The following RIPOR2 variants were observed in gnomAD, a reference collection of about 807,000 sequenced individuals.
RIPOR2 encodes rho family-interacting cell polarization regulator 2.
A neutral mutation model predicts 114.5 loss-of-function variants in RIPOR2; 39 were observed. That is an observed-to-expected ratio of 0.34 (90% CI 0.26 to 0.44). The LOEUF (loss-of-function observed/expected upper bound fraction) is 0.44. Ranked by LOEUF, RIPOR2 falls within the 20% of genes least tolerant of loss-of-function variation. The probability of loss-of-function intolerance (pLI) is 1.00; values close to 1 mark genes in which losing one functional copy is unlikely to be tolerated. For missense variants in RIPOR2, 1,007 were observed against 1,255.1 expected (o/e 0.80, Z 2.99); for synonymous variants, 445 against 484.4 (o/e 0.92, Z 1.07).
At chr6:25,029,845 A>G (rs1373979400) in intron 1 of RIPOR2, among the ~76,000 whole-genome samples, 2 of 151,994 alleles carry the variant, frequency 1.3e-5, no homozygotes. Flanking sequence ...AAAAACATGA[A>G]GTTAAACTAT....
chr6:24,846,169 G>T (rs569104169), intron 12 of RIPOR2, among the ~76,000 whole-genome samples: 5 of 152,114 alleles, frequency 3.3e-5, no homozygotes, highest in Non-Finnish European at 7.4e-5. Flanking sequence ...TACATGTTAT[G>T]TTAACGGTTG....
At chr6:25,038,288 G>T (rs1435566878) in intron 1 of RIPOR2, among the ~76,000 whole-genome samples, 3 of 152,226 alleles carry the variant, frequency 2.0e-5, no homozygotes, top group African/African-American at 7.2e-5. Flanking sequence ...CACGATTCTT[G>T]CCCCTTGGCA....
Position 24,840,383 on chromosome 6 carries a change from G to T in RIPOR2, c.1858-1111C>A. The T allele has an allele frequency of 2.6e-6, 3 of 1,150,758 alleles. No homozygotes were observed. The South Asian group carries it at 6.2e-5, about 24-fold the overall frequency. The allele number at this position is 1,150,758 out of a possible 1,614,324, so 71.3% of individuals were successfully genotyped here. On this transcript the variant is annotated intron_variant, in intron 13 of 21. Coordinates refer to ENST00000643898, the MANE Select transcript of RIPOR2 (RefSeq NM_001286445.3). ...TCCCTGACCAGGCCCTGGCATCATGGGAGCAATCCCATTCTCTGGCCTGGA... is the reference window on the plus strand; with the variant it reads ...TCCCTGACCAGGCCCTGGCATCATGTGAGCAATCCCATTCTCTGGCCTGGA...
chr6:24,911,145 G>A, intron 1 of RIPOR2: 1 of 166,886 alleles, frequency 6.0e-6, no homozygotes, highest in Non-Finnish European at 1.2e-5. Flanking sequence ...GGGAGGCGCG[G>A]CGCGGGGGCC....
intron 1 of RIPOR2, among the ~76,000 whole-genome samples, chr6:25,027,669 C>T (rs1455751558): frequency 1.3e-5 from 2 of 152,198 alleles, no homozygotes; most frequent in African/African-American, 2.4e-5. Flanking sequence ...AAGAGGGCCC[C>T]CCTCCCCTCG....
chr6:24,870,967 CACATTTGCACATTATCT>C, intron 4 of RIPOR2, 78 bp from the exon 5 acceptor site: 1 of 801,758 alleles, frequency 1.2e-6, no homozygotes, highest in Non-Finnish European at 1.9e-6. Context: ...TGATTTAGCC[CACATTTGCACATTATCT>C]GTGGAAATAA....
At chr6:24,902,087 G>A (rs953985311) in intron 1 of RIPOR2, among the ~76,000 whole-genome samples, 1 of 152,192 alleles carries the variant, frequency 6.6e-6, no homozygotes, top group Non-Finnish European at 1.5e-5. Context: ...GAAGAGAAGC[G>A]GTAGAAAAGG....
intron 1 of RIPOR2, among the ~76,000 whole-genome samples, chr6:25,040,981 T>C (rs925760151): frequency 3.3e-5 from 5 of 152,240 alleles, no homozygotes; most frequent in African/African-American, 1.2e-4. Flanking sequence ...TGCCCCACTA[T>C]GATGGGACAC....
intron 1 of RIPOR2, among the ~76,000 whole-genome samples, chr6:24,912,866 G>A (rs574889606): frequency 6.6e-6 from 1 of 152,306 alleles, no homozygotes; most frequent in Non-Finnish European, 1.5e-5. Flanking sequence ...TGAAAAGAGA[G>A]ATGAGGCAGA....
At chr6:24,855,470 T>G (rs1324125737) in intron 8 of RIPOR2, among the ~76,000 whole-genome samples, 3 of 152,202 alleles carry the variant, frequency 2.0e-5, no homozygotes, top group Admixed American at 1.3e-4. Flanking sequence ...AATTCCTCCC[T>G]GTTTACCCAG....
At chr6:24,878,581 T>G (rs2817714) in intron 1 of RIPOR2, among the ~76,000 whole-genome samples, 36,135 of 151,990 alleles carry the variant, frequency 0.24, 4,873 homozygotes, top group African/African-American at 0.37. Flanking sequence ...AAGCCAATTT[T>G]CCCCCCTTAT....
rs370164838 is a variant in RIPOR2, at chr6:24,873,772, G to A, written c.216C>T (p.Ser72=). ...GTTTGGCCTGAGGCTTCTTGAGAGC[G>A]GAGGAATTTTCAATGAAGGAGTTAC... is the stretch of plus-strand genomic sequence containing the variant. ...SRCNSFIENS[S]ALKKPQAKLK... The change falls in exon 3 of 22, where the codon TCC becomes TCT. Residue 72 remains serine (S), a synonymous_variant. Coordinates refer to ENST00000643898, the MANE Select transcript of RIPOR2 (RefSeq NM_001286445.3). The A allele has an allele frequency of 1.9e-5, 30 of 1,611,524 alleles. No homozygotes were observed. Among genetic ancestry groups the A allele is most frequent in the African/African-American group, 2.7e-5 (2 of 74,490 alleles).
rs757874626 is a variant in RIPOR2, at chr6:24,870,896, T to TA, written c.424-8dup. ...CTAGGTCATACAGTACACCCTACAATAAAAAAAGGAATATCTGCATTTAAA... is the reference window on the plus strand; with the variant it reads ...CTAGGTCATACAGTACACCCTACAATAAAAAAAAGGAATATCTGCATTTAAA... On this transcript the variant is annotated splice_polypyrimidine_tract_variant and splice_region_variant and intron_variant, in intron 4 of 21. Coordinates refer to ENST00000643898, the MANE Select transcript of RIPOR2 (RefSeq NM_001286445.3). 1.3e-6 allele frequency: 2 copies of TA among 1,579,702 alleles called. No individual in the cohort carries two copies. The highest frequency in any genetic ancestry group is 2.7e-5 in the African/African-American group (2 of 73,384).
chr6:24,835,704 T>C lies in RIPOR2; in HGVS notation c.2207A>G (p.Gln736Arg). 6.4e-7 allele frequency: 1 copy of C among 1,551,614 alleles called. No individual in the cohort carries two copies. Among genetic ancestry groups the C allele is most frequent in the Non-Finnish European group, 8.7e-7 (1 of 1,146,894 alleles). Residue 736 changes from glutamine to arginine, a missense_variant and splice_region_variant, in exon 15 of 22, where the codon CAG becomes CGG. Transcript: ENST00000643898. Reference sequence around the variant, plus strand: ...ACACAAATTCATCGCTGATCCTACCTGCACGAGTTGGGTGCAGTACTGGAG... The same window carrying C: ...ACACAAATTCATCGCTGATCCTACCCGCACGAGTTGGGTGCAGTACTGGAG... Reference protein sequence around the residue: ...RHLQYCTQLVQQIVFSSKTPF... With the variant: ...RHLQYCTQLVRQIVFSSKTPF...
At chr6:24,840,944 C>CT (rs1301699566) in intron 13 of RIPOR2, among the ~76,000 whole-genome samples, 1 of 152,108 alleles carries the variant, frequency 6.6e-6, no homozygotes, top group Admixed American at 6.6e-5. Context: ...CTTCTAGGGT[C>CT]TTTTTTCCTA....
At chr6:24,981,030 G>A (rs1774267720) in intron 1 of RIPOR2, among the ~76,000 whole-genome samples, 1 of 152,054 alleles carries the variant, frequency 6.6e-6, no homozygotes, top group African/African-American at 2.4e-5. Flanking sequence ...AACAAGGGTG[G>A]GTCTCAAATA....
intron 1 of RIPOR2, among the ~76,000 whole-genome samples, chr6:24,896,283 A>C (rs1347022776): frequency 2.0e-5 from 3 of 152,248 alleles, no homozygotes; most frequent in African/African-American, 7.2e-5. Context: ...TAAAAGAACC[A>C]AACTCATAGG....
At chr6:25,029,910 G>T (rs947718897) in intron 1 of RIPOR2, among the ~76,000 whole-genome samples, 1 of 152,156 alleles carries the variant, frequency 6.6e-6, no homozygotes, top group Non-Finnish European at 1.5e-5. Flanking sequence ...CTGTGTGCAG[G>T]ATGTTATTGT....
At chr6:24,939,758 A>C (rs762952681), upstream of RIPOR2, among the ~76,000 whole-genome samples, 9 of 152,220 alleles carry the variant, frequency 5.9e-5, no homozygotes, top group Non-Finnish European at 1.2e-4. Flanking sequence ...ATTGAGGCAA[A>C]CAGCTCCAAT....
Sources: allele counts gnomAD v4.1 joint callset (sites outside exome capture counted in the v4.1 genomes callset), GRCh38; gene constraint gnomAD v4.1.1; transcripts MANE v1.5; gene names NCBI Gene and HGNC (gene_info 2026-07-23, HGNC 2026-07-21).